Variants in KSR1 observed in about 807,000 individuals in gnomAD.
KSR1 encodes kinase suppressor of ras.
A neutral mutation model predicts 92.9 loss-of-function variants in KSR1; 35 were observed. The ratio of observed to expected loss-of-function variants is 0.38; its 90% CI spans 0.29 to 0.50. The LOEUF (loss-of-function observed/expected upper bound fraction) is 0.50. KSR1 is among the 20% of genes least tolerant of loss of function. KSR1 has a pLI of 0.94. For missense variants in KSR1, 972 were observed against 1,158.5 expected, an observed-to-expected ratio of 0.84 and a Z score of 2.34; for synonymous variants, 467 against 472.6, an observed-to-expected ratio of 0.99 and a Z score of 0.15.
intron 1 of KSR1, among the ~76,000 whole-genome samples, chr17:27,511,795 G>A (rs1269142321): frequency 1.3e-5 from 2 of 152,228 alleles, no homozygotes; most frequent in South Asian, 2.1e-4. Context: ...TCTCACCGGC[G>A]AGACCGTTGG....
intron 2 of KSR1, among the ~76,000 whole-genome samples, chr17:27,574,526 A>G (rs923954783): frequency 2.6e-5 from 4 of 152,212 alleles, no homozygotes; most frequent in African/African-American, 9.7e-5. Context: ...GAAAAGCTAC[A>G]AAAGCATCTG....
chr17:27,623,519 A>G lies in KSR1; in HGVS notation c.*127A>G. The G allele has an allele frequency of 1.5e-6, 1 of 683,732 alleles. No individual in the cohort carries two copies. The highest frequency in any genetic ancestry group is 2.6e-6 in the Non-Finnish European group (1 of 379,678). 42.4% of individuals were successfully genotyped at this position (683,732 alleles called of 1,614,324 possible). A position where few individuals can be genotyped will look rare whatever the true frequency, so the allele number is the denominator to read the frequency against. ...TGCAAACCAGGAGCACACGTCCTAG[A>G]TTCAGACTGTTGGCCATAAACCCCA... On this transcript the variant is annotated 3_prime_UTR_variant, in exon 21 of 21. Coordinates refer to ENST00000644974, the MANE Select transcript of KSR1 (RefSeq NM_001394583.1).
At chr17:27,521,971 A>G (rs1339666770) in intron 1 of KSR1, among the ~76,000 whole-genome samples, 1 of 152,142 alleles carries the variant, frequency 6.6e-6, no homozygotes, top group Non-Finnish European at 1.5e-5. Flanking sequence ...CATATTTACC[A>G]TTGCATCTTT....
chr17:27,601,326 T>C (rs2073549766), intron 10 of KSR1, 34 bp from the exon 11 acceptor site: 1 of 1,598,932 alleles, frequency 6.3e-7, no homozygotes, highest in South Asian at 1.1e-5. Context: ...TTGGCCGTTC[T>C]GTGTGTGTGA....
chr17:27,491,738 G>A (rs970406430), intron 1 of KSR1, among the ~76,000 whole-genome samples: 8 of 152,140 alleles, frequency 5.3e-5, no homozygotes, highest in African/African-American at 7.2e-5. Context: ...ACAAGGGGGC[G>A]GTGGATTTGC....
intron 1 of KSR1, among the ~76,000 whole-genome samples, chr17:27,526,062 CTT>C (rs2070272177): frequency 1.1e-5 from 1 of 93,452 alleles, no homozygotes; most frequent in Admixed American, 1.2e-4. Context: ...CTCTCTCTCT[CTT>C]TCTTTCTCTT....
intron 2 of KSR1, among the ~76,000 whole-genome samples, chr17:27,565,465 C>T (rs562650659): frequency 6.6e-6 from 1 of 152,356 alleles, no homozygotes; most frequent in East Asian, 1.9e-4. Context: ...CACCCTGTCA[C>T]CCAGGCTGGA....
intron 1 of KSR1, among the ~76,000 whole-genome samples, chr17:27,491,045 A>G (rs2068807004): frequency 6.6e-6 from 1 of 152,024 alleles, no homozygotes; most frequent in Non-Finnish European, 1.5e-5. Context: ...CCATATGTAT[A>G]TGTATCTATA....
At chr17:27,621,792 G>C (rs137923428) in intron 20 of KSR1, 221 of 766,962 alleles carry the variant, frequency 2.9e-4, no homozygotes, top group Admixed American at 4.9e-4. Context: ...ATGGAGTCCA[G>C]GATGGCCCTT....
intron 14 of KSR1, among the ~76,000 whole-genome samples, chr17:27,607,012 AG>A (rs537568644): frequency 1.4e-3 from 210 of 152,152 alleles, no homozygotes; most frequent in African/African-American, 4.3e-3. Flanking sequence ...TTATATTTTC[AG>A]TAAAGATGAG....
intron 1 of KSR1, among the ~76,000 whole-genome samples, chr17:27,515,153 C>T (rs866050054): frequency 1.3e-5 from 2 of 152,136 alleles, no homozygotes; most frequent in Non-Finnish European, 2.9e-5. Flanking sequence ...TCATAGAAAG[C>T]GAATTTATAT....
At chr17:27,468,032 T>C (rs1036168862) in intron 1 of KSR1, among the ~76,000 whole-genome samples, 61 of 152,164 alleles carry the variant, frequency 4.0e-4, no homozygotes, top group African/African-American at 1.4e-3. Context: ...TTAGCCAGGA[T>C]GGTCTCGATC....
intron 14 of KSR1, among the ~76,000 whole-genome samples, chr17:27,607,112 G>A (rs1405319251): frequency 6.6e-6 from 1 of 152,168 alleles, no homozygotes; most frequent in Non-Finnish European, 1.5e-5. Context: ...GATTACAGGC[G>A]TGAGCCACTG....
chr17:27,601,078 A>T (rs775325923), intron 10 of KSR1, among the ~76,000 whole-genome samples: 1 of 152,194 alleles, frequency 6.6e-6, no homozygotes, highest in Non-Finnish European at 1.5e-5. Context: ...CTGGGCTCAC[A>T]TGCATTTCAC....
At chr17:27,585,556 G>A (rs983680529) in intron 4 of KSR1, 101 bp from the exon 5 acceptor site, 57 of 718,196 alleles carry the variant, frequency 7.9e-5, no homozygotes, top group East Asian at 2.7e-5. Flanking sequence ...AGAGTCCTAC[G>A]TCCCAGCCCC....
intron 1 of KSR1, chr17:27,526,855 T>G: frequency 2.9e-6 from 2 of 698,906 alleles, no homozygotes; most frequent in Non-Finnish European, 5.1e-6. Context: ...GAAGGAGTGC[T>G]CTGCAGGAAG....
At chr17:27,574,503 T>G (rs1374110652) in intron 2 of KSR1, among the ~76,000 whole-genome samples, 3 of 152,168 alleles carry the variant, frequency 2.0e-5, no homozygotes, top group African/African-American at 7.2e-5. Context: ...CCCTGAAGAT[T>G]GAAGAATATA....
chr17:27,542,716 G>T (rs1241154184), intron 1 of KSR1, among the ~76,000 whole-genome samples: 1 of 152,232 alleles, frequency 6.6e-6, no homozygotes, highest in Non-Finnish European at 1.5e-5. Flanking sequence ...AGGTCATTCT[G>T]CAGGCTGAGC....
chr17:27,547,168 G>C (rs2071211020), intron 1 of KSR1, among the ~76,000 whole-genome samples: 1 of 152,206 alleles, frequency 6.6e-6, no homozygotes, highest in African/African-American at 2.4e-5. Context: ...GTTGAATCTG[G>C]CTCTGTCAGA....
Sources: gnomAD v4.1 joint callset for allele counts (sites outside exome capture counted in the v4.1 genomes callset) on GRCh38, gnomAD v4.1.1 for gene constraint, MANE v1.5 for transcripts, NCBI Gene and HGNC (gene_info 2026-07-23, HGNC 2026-07-21) for gene names.